Variants in FAM13A observed in about 807,000 individuals in gnomAD.
FAM13A encodes family with sequence similarity 13 member A, also known as protein FAM13A.
In FAM13A, 76 loss-of-function variants were observed where a neutral mutation model predicts 129.6. The observed-to-expected ratio is 0.59, with a 90% CI of 0.49 to 0.71. The LOEUF is 0.71. Among genes scored for constraint, FAM13A ranks in the 30% least tolerant of loss-of-function variants. The probability of loss-of-function intolerance (pLI) is 0.00; values close to 1 mark genes in which losing one functional copy is unlikely to be tolerated. For missense variants in FAM13A, 1,108 were observed against 1,249.3 expected (o/e 0.89, Z 1.70); for synonymous variants, 443 against 449.9 (o/e 0.98, Z 0.20).
intron 6 of FAM13A, among the ~76,000 whole-genome samples, chr4:88,868,142 G>A (rs1740757670): frequency 6.6e-6 from 1 of 152,074 alleles, no homozygotes; most frequent in Admixed American, 6.5e-5. Flanking sequence ...TAAATATGCT[G>A]CTGTGCTTTA....
At chr4:88,887,796 G>T (rs1744699106) in intron 6 of FAM13A, among the ~76,000 whole-genome samples, 1 of 152,096 alleles carries the variant, frequency 6.6e-6, no homozygotes, top group Admixed American at 6.5e-5. Context: ...GCCTCCCAAC[G>T]TGCTGGGATT....
At chr4:88,910,553 A>C (rs1206574047) in intron 5 of FAM13A, among the ~76,000 whole-genome samples, 3 of 150,428 alleles carry the variant, frequency 2.0e-5, no homozygotes, top group South Asian at 2.1e-4. Context: ...ATTAATCACT[A>C]CCTCCCTCCT....
chr4:88,899,925 T>C (rs1045500589), intron 6 of FAM13A, among the ~76,000 whole-genome samples: 3 of 152,102 alleles, frequency 2.0e-5, no homozygotes, highest in African/African-American at 7.2e-5. Flanking sequence ...ACAGCCAGTT[T>C]AGAGAGGAAC....
intron 5 of FAM13A, among the ~76,000 whole-genome samples, chr4:88,916,128 A>C (rs1429533000): frequency 6.6e-6 from 1 of 152,210 alleles, no homozygotes; most frequent in Non-Finnish European, 1.5e-5. Context: ...CTAGAGCAAG[A>C]AGGCCCTCAC....
intron 6 of FAM13A, among the ~76,000 whole-genome samples, chr4:88,880,783 C>CGGGGGGGGGGGGGGGGGGGGG (rs70959631): frequency 3.3e-5 from 1 of 30,054 alleles, no homozygotes; most frequent in African/African-American, 1.6e-4. Flanking sequence ...CGGTGGGGGG[C>CGGGGGGGGGGGGGGGGGGGGG]GGGGGGGGGG....
intron 21 of FAM13A, chr4:88,736,270 A>G (rs1336769735): frequency 1.3e-5 from 2 of 152,244 alleles, no homozygotes; most frequent in Non-Finnish European, 2.9e-5. Context: ...ATTGCCTAAT[A>G]CCATAAAATT....
At chr4:88,839,435 TTTACGGAGC>T (rs1735417662) in intron 7 of FAM13A, among the ~76,000 whole-genome samples, 1 of 152,224 alleles carries the variant, frequency 6.6e-6, no homozygotes, top group South Asian at 2.1e-4. Context: ...AGTTCCTGCC[TTTACGGAGC>T]TTACAATCTC....
chr4:88,843,078 A>G (rs1736091579), intron 7 of FAM13A, among the ~76,000 whole-genome samples: 1 of 152,250 alleles, frequency 6.6e-6, no homozygotes, highest in South Asian at 2.1e-4. Context: ...GTGGCGGTCA[A>G]GAATAAATTA....
chr4:88,972,947 C>T (rs901052519), intron 4 of FAM13A, among the ~76,000 whole-genome samples: 1 of 152,112 alleles, frequency 6.6e-6, no homozygotes, highest in Non-Finnish European at 1.5e-5. Flanking sequence ...GTACAACGTT[C>T]TACTTTAAGG....
At chr4:88,939,173 T>A (rs1754332828) in intron 4 of FAM13A, among the ~76,000 whole-genome samples, 1 of 152,116 alleles carries the variant, frequency 6.6e-6, no homozygotes, top group African/African-American at 2.4e-5. Context: ...AAAATCAGTA[T>A]CACTGGGGCA....
intron 4 of FAM13A, among the ~76,000 whole-genome samples, chr4:88,970,980 G>A (rs900372589): frequency 1.3e-5 from 2 of 152,300 alleles, no homozygotes; most frequent in Middle Eastern, 3.4e-3. Context: ...AGGCCGAGGC[G>A]GGTGGATCAT....
intron 4 of FAM13A, among the ~76,000 whole-genome samples, chr4:88,953,228 G>A (rs1297944552): frequency 1.3e-5 from 2 of 152,038 alleles, no homozygotes; most frequent in African/African-American, 4.8e-5. Context: ...ACCGAGGCGG[G>A]CAGACCACCT....
chr4:88,748,008 G>C (rs1251023526), intron 17 of FAM13A, among the ~76,000 whole-genome samples, 157 bp from the exon 18 acceptor site: 2 of 152,152 alleles, frequency 1.3e-5, no homozygotes, highest in Non-Finnish European at 2.9e-5. Flanking sequence ...TCCTGCCTCA[G>C]TCTCCTGAGT....
chr4:88,816,755 T>A (rs1452707934), intron 7 of FAM13A, among the ~76,000 whole-genome samples: 1 of 152,228 alleles, frequency 6.6e-6, no homozygotes, highest in East Asian at 1.9e-4. Context: ...TAGACATGTG[T>A]GTAGAGTGTT....
chr4:88,771,260 G>T (rs1720626244), intron 11 of FAM13A, among the ~76,000 whole-genome samples: 1 of 147,694 alleles, frequency 6.8e-6, no homozygotes, highest in African/African-American at 2.5e-5. Flanking sequence ...ATTCTAATTT[G>T]TATTCTTTGT....
intron 6 of FAM13A, among the ~76,000 whole-genome samples, chr4:88,898,754 T>TA (rs1032653619): frequency 1.3e-5 from 2 of 150,874 alleles, no homozygotes; most frequent in Non-Finnish European, 3.0e-5. Flanking sequence ...TGGCTAATAA[T>TA]AAAAAAAATA....
intron 4 of FAM13A, among the ~76,000 whole-genome samples, chr4:88,984,128 A>G (rs1397241137): frequency 2.0e-5 from 3 of 152,168 alleles, no homozygotes; most frequent in Non-Finnish European, 4.4e-5. Context: ...ACTCCTTTAT[A>G]CCATTCACAA....
At chr4:88,868,632 A>G (rs549847943) in intron 6 of FAM13A, among the ~76,000 whole-genome samples, 1 of 152,288 alleles carries the variant, frequency 6.6e-6, no homozygotes, top group East Asian at 1.9e-4. Flanking sequence ...CTATTTCCGC[A>G]GGTTCATTGC....
intron 5 of FAM13A, chr4:88,936,262 G>A (rs1399659420): frequency 6.6e-6 from 1 of 152,258 alleles, no homozygotes; most frequent in African/African-American, 2.4e-5. Flanking sequence ...TTGCTATAAA[G>A]AAATACTTAA....
Sources: allele counts gnomAD v4.1 joint callset (sites outside exome capture counted in the v4.1 genomes callset), GRCh38; gene constraint gnomAD v4.1.1; transcripts MANE v1.5; gene names NCBI Gene and HGNC (gene_info 2026-07-23, HGNC 2026-07-21).